ATP6V1H: variants seen among roughly 807,000 people sequenced by gnomAD.
ATP6V1H encodes ATPase H+ transporting V1 subunit H.
ATP6V1H carries 39 observed loss-of-function variants against 71.7 expected under a neutral mutation model. The ratio of observed to expected loss-of-function variants is 0.54; its 90% CI spans 0.42 to 0.71. The LOEUF is 0.71. ATP6V1H is among the 30% of genes least tolerant of loss of function. The pLI is 0.00. For synonymous variants in ATP6V1H, 192 were observed against 199.3 expected (o/e 0.96, Z 0.31); for missense variants, 509 against 594.9 (o/e 0.86, Z 1.50).
intron 13 of ATP6V1H, among the ~76,000 whole-genome samples, chr8:53,733,568 A>G (rs541453872): frequency 2.0e-5 from 3 of 152,336 alleles, no homozygotes; most frequent in Admixed American, 1.3e-4. Context: ...GACAGCAGGT[A>G]CACTACCTAG....
intron 13 of ATP6V1H, among the ~76,000 whole-genome samples, chr8:53,731,123 A>G (rs6473887): frequency 0.99 from 150,925 of 152,238 alleles, 74,817 homozygotes; most frequent in East Asian, 1. Context: ...CTCCCGACAC[A>G]CAGCAGGCTC....
intron 9 of ATP6V1H, among the ~76,000 whole-genome samples, chr8:53,773,827 T>C (rs542106902): frequency 6.6e-6 from 1 of 152,222 alleles, no homozygotes; most frequent in Non-Finnish European, 1.5e-5. Flanking sequence ...AACTTATAAA[T>C]TATTTAAAAA....
intron 4 of ATP6V1H, 40 bp from the exon 5 acceptor site, chr8:53,817,570 T>A: frequency 7.4e-7 from 1 of 1,352,192 alleles, no homozygotes. Flanking sequence ...TCAGAACACA[T>A]TTTGCTAAAG....
intron 9 of ATP6V1H, among the ~76,000 whole-genome samples, chr8:53,793,770 C>G (rs1809642047): frequency 6.6e-6 from 1 of 152,124 alleles, no homozygotes; most frequent in Non-Finnish European, 1.5e-5. Flanking sequence ...AAAACCCCAT[C>G]TCTACTAAAA....
chr8:53,839,717 C>T (rs1811284393), intron 2 of ATP6V1H: 2 of 985,298 alleles, frequency 2.0e-6, no homozygotes, highest in Non-Finnish European at 1.2e-6. Context: ...ACACCTACAG[C>T]TCCTTGGAAA....
chr8:53,738,200 G>A (rs949458524), intron 13 of ATP6V1H, among the ~76,000 whole-genome samples: 5 of 151,938 alleles, frequency 3.3e-5, no homozygotes, highest in African/African-American at 4.8e-5. Flanking sequence ...GGGAGGCTGA[G>A]GCAGGAGAAT....
intron 11 of ATP6V1H, among the ~76,000 whole-genome samples, 186 bp downstream of exon 11, chr8:53,769,432 G>A (rs1171543529): frequency 6.6e-6 from 1 of 152,110 alleles, no homozygotes; most frequent in African/African-American, 2.4e-5. Flanking sequence ...GACTTGAACA[G>A]GCACTTCTCC....
At chr8:53,833,698 A>AGCAAG (rs2130531551) in intron 2 of ATP6V1H, among the ~76,000 whole-genome samples, 1 of 152,156 alleles carries the variant, frequency 6.6e-6, no homozygotes, top group East Asian at 1.9e-4. Context: ...CCCAGCACTC[A>AGCAAG]ATCACTGAAA....
intron 6 of ATP6V1H, among the ~76,000 whole-genome samples, chr8:53,812,835 C>CA (rs1810323054): frequency 6.6e-6 from 1 of 152,166 alleles, no homozygotes; most frequent in South Asian, 2.1e-4. Flanking sequence ...GCTGGAACTA[C>CA]AGGTGTGCAC....
rs763514820 is a variant in ATP6V1H, at chr8:53,814,795, G to A, written c.421-29C>T. 3.5e-5 allele frequency: 51 copies of A among 1,462,992 alleles called. 1 individual carries two copies. Among genetic ancestry groups the A allele is most frequent in the South Asian group, 2.0e-4 (17 of 85,384 alleles). The allele number at this position is 1,462,992 out of a possible 1,614,324, so 90.6% of individuals were successfully genotyped here. ...AAAACAAATAAGAGATACATTTAAC[G>A]CAACATTAATTCTAAAAATCACATC... On this transcript the variant is annotated intron_variant, in intron 5 of 13. Transcript: ENST00000359530.
intron 12 of ATP6V1H, among the ~76,000 whole-genome samples, chr8:53,755,106 A>C (rs1055845525): frequency 6.6e-6 from 1 of 152,176 alleles, no homozygotes; most frequent in African/African-American, 2.4e-5. Context: ...CCAGCACTCA[A>C]TTAAACAGAA....
intron 9 of ATP6V1H, among the ~76,000 whole-genome samples, chr8:53,792,941 A>AGG (rs1224157680): frequency 6.6e-6 from 1 of 152,196 alleles, no homozygotes; most frequent in African/African-American, 2.4e-5. Flanking sequence ...TGTCCTAGTG[A>AGG]CCACTAAATG....
chr8:53,779,604 T>C (rs1809023853), intron 9 of ATP6V1H, among the ~76,000 whole-genome samples: 1 of 151,762 alleles, frequency 6.6e-6, no homozygotes, highest in African/African-American at 2.4e-5. Flanking sequence ...GAACACCTGT[T>C]ATTTCTTTCT....
At chr8:53,755,711 TA>T (rs1808006128) in intron 12 of ATP6V1H, among the ~76,000 whole-genome samples, 7 of 5,106 alleles carry the variant, frequency 1.4e-3, no homozygotes, top group East Asian at 0.013. Context: ...TATATATATA[TA>T]TATATATATA....
chr8:53,762,815 C>T (rs1808319757), intron 11 of ATP6V1H, among the ~76,000 whole-genome samples: 1 of 151,776 alleles, frequency 6.6e-6, no homozygotes, highest in Non-Finnish European at 1.5e-5. Flanking sequence ...CTGAACTGCA[C>T]AGGTCCACTT....
chr8:53,814,738 G>C lies in ATP6V1H; in HGVS notation c.449C>G (p.Ala150Gly). 1 of 1,612,072 alleles carries C rather than the reference G, an allele frequency of 6.2e-7. No individual in the cohort carries two copies. The highest frequency in any genetic ancestry group is 8.5e-7 in the Non-Finnish European group (1 of 1,179,200). ...MAARIIAKLA[A>G]WGKELMEGSD... The stretch of plus-strand genomic sequence containing the variant: ...GCCTTCCATCAGTTCTTTTCCCCAA[G>C]CTGCTAACTTGGCAATAATTCTTGC... Residue 150 changes from alanine to glycine, a missense_variant, in exon 6 of 14, where the codon GCT becomes GGT. Transcript: ENST00000359530.
chr8:53,802,837 T>C (rs1007448783), intron 7 of ATP6V1H, among the ~76,000 whole-genome samples: 4 of 152,206 alleles, frequency 2.6e-5, no homozygotes, highest in African/African-American at 7.2e-5. Context: ...AAAAGTCTGA[T>C]TAAACACTTG....
Position 53,725,129 on chromosome 8 carries a change from A to G in ATP6V1H, c.1392-9105T>C, listed in dbSNP as rs184353134. Among the ~76,000 whole-genome samples the G allele has an allele frequency of 2.0e-3, 299 of 152,280 alleles. 2 individuals are homozygous for G. The highest frequency in any genetic ancestry group is 6.9e-3 in the African/African-American group (285 of 41,560). ...GGGAGTATTGAGAGGAGGGGCCTTA[A>G]AGAGGTGACTGGGTCATGAGAGCTC... is the stretch of plus-strand genomic sequence containing the variant. On this transcript the variant is annotated intron_variant, in intron 13 of 13. Transcript: ENST00000359530.
intron 4 of ATP6V1H, among the ~76,000 whole-genome samples, chr8:53,827,296 T>G (rs1228782228): frequency 6.6e-6 from 1 of 151,550 alleles, no homozygotes; most frequent in Non-Finnish European, 1.5e-5. Flanking sequence ...GGCAGGAGAA[T>G]CACTTGAACC....
Sources: gnomAD v4.1 joint callset for allele counts (sites outside exome capture counted in the v4.1 genomes callset) on GRCh38, gnomAD v4.1.1 for gene constraint, MANE v1.5 for transcripts, NCBI Gene and HGNC (gene_info 2026-07-23, HGNC 2026-07-21) for gene names.